Variants in NAALADL2 observed in about 807,000 individuals in gnomAD.
NAALADL2 encodes the protein N-acetylated alpha-linked acidic dipeptidase like 2.
In NAALADL2, 76 loss-of-function variants were observed where a neutral mutation model predicts 87.2. The ratio of observed to expected loss-of-function variants is 0.87; its 90% CI spans 0.72 to 1.05. The LOEUF (loss-of-function observed/expected upper bound fraction) is 1.05, where lower values mean the gene tolerates loss of function less well. Ranked by LOEUF, NAALADL2 falls within the 50% of genes least tolerant of loss-of-function variation. The pLI, the probability that NAALADL2 is intolerant of heterozygous loss-of-function variation, is 0.00. For synonymous variants in NAALADL2, 354 were observed against 331.0 expected (o/e 1.07, Z -0.75); for missense variants, 1,089 against 945.8 (o/e 1.15, Z -1.99).
chr3:175,485,305 T>C (rs1727085959), intron 9 of NAALADL2, among the ~76,000 whole-genome samples: 1 of 151,856 alleles, frequency 6.6e-6, no homozygotes, highest in African/African-American at 2.4e-5. Context: ...GGGGTCAGAG[T>C]CTGAATTAGG....
At chr3:174,798,718 G>A (rs938728955) in intron 3 of NAALADL2, among the ~76,000 whole-genome samples, 1 of 151,374 alleles carries the variant, frequency 6.6e-6, no homozygotes, top group East Asian at 1.9e-4. Context: ...TAAGAAAGTT[G>A]ATTTTTTAGT....
At chr3:174,453,244 G>A (rs66514053) in intron 1 of NAALADL2, among the ~76,000 whole-genome samples, 41,502 of 151,914 alleles carry the variant, frequency 0.27, 6,077 homozygotes, top group South Asian at 0.45. Context: ...TAAAAAGAAT[G>A]AAAAAGAACA....
chr3:175,240,466 CT>C (rs1206770445), intron 3 of NAALADL2, among the ~76,000 whole-genome samples: 4 of 152,144 alleles, frequency 2.6e-5, no homozygotes, highest in Admixed American at 2.6e-4. Flanking sequence ...CAAAAGCAAA[CT>C]TATCAGTGTT....
At chr3:175,406,158 A>G (rs373841449) in intron 5 of NAALADL2, among the ~76,000 whole-genome samples, 3 of 152,232 alleles carry the variant, frequency 2.0e-5, no homozygotes, top group African/African-American at 4.8e-5. Flanking sequence ...AATAGCTGCA[A>G]AATGACAATG....
Position 175,805,746 on chromosome 3 carries a change from TAATG to T in NAALADL2, c.*2547_*2550del, listed in dbSNP as rs1350460444. ...CATACATAGAATTGTGCCTAGGAAA[TAATG>T]AATCATAAATATTCTCTGAAGAAAA... On this transcript the variant is annotated 3_prime_UTR_variant, in exon 14 of 14. Transcript: ENST00000454872. 10 of 151,850 alleles carry T rather than the reference TAATG, an allele frequency of 6.6e-5. No individual in the cohort carries two copies. Among genetic ancestry groups the T allele is most frequent in the African/African-American group, 2.2e-4 (9 of 41,400 alleles). The allele number at this position is 151,850 out of a possible 1,614,324, so 9.4% of individuals were successfully genotyped here.
chr3:174,882,748 CACACGTGTATATAT>C (rs1389459159), intron 1 of NAALADL2, among the ~76,000 whole-genome samples: 149 of 138,454 alleles, frequency 1.1e-3, no homozygotes, highest in African/African-American at 3.6e-3. Flanking sequence ...TGTGTATATA[CACACGTGTATATAT>C]ACACACGTGT....
chr3:174,854,516 A>G (rs1364553799), upstream of NAALADL2, among the ~76,000 whole-genome samples: 3 of 152,168 alleles, frequency 2.0e-5, no homozygotes, highest in African/African-American at 7.2e-5. Context: ...GTACATTTCA[A>G]AATCATTAAG....
At chr3:175,116,228 G>T (rs1725135244) in intron 2 of NAALADL2, among the ~76,000 whole-genome samples, 1 of 151,976 alleles carries the variant, frequency 6.6e-6, no homozygotes, top group African/African-American at 2.4e-5. Context: ...GGAAGTTCTG[G>T]CCAGGGCAAT....
At chr3:174,683,629 GGTGTGTGTGTGTGTGTGTGTGT>G (rs10522220) in intron 2 of NAALADL2, among the ~76,000 whole-genome samples, 2 of 147,048 alleles carry the variant, frequency 1.4e-5, no homozygotes, top group Admixed American at 6.8e-5. Flanking sequence ...CAGAACTTCT[GGTGTGTGTGTGTGTGTGTGTGT>G]GTGTGTGTGT....
chr3:174,839,650 A>G (rs145058151), intron 3 of NAALADL2, among the ~76,000 whole-genome samples: 57 of 152,196 alleles, frequency 3.7e-4, no homozygotes, highest in African/African-American at 1.3e-3. Context: ...ATCAGCAAGA[A>G]AAAAAACAAA....
At chr3:174,643,101 C>G (rs1239597840) in intron 2 of NAALADL2, among the ~76,000 whole-genome samples, 1 of 151,966 alleles carries the variant, frequency 6.6e-6, no homozygotes. Context: ...TAATTTTAAG[C>G]AAGAAAAGTG....
At chr3:175,297,028 C>G (rs1222770382) in intron 4 of NAALADL2, among the ~76,000 whole-genome samples, 2 of 152,066 alleles carry the variant, frequency 1.3e-5, no homozygotes, top group Non-Finnish European at 2.9e-5. Flanking sequence ...GAGGATGAGC[C>G]AAATCTGACT....
intron 1 of NAALADL2, among the ~76,000 whole-genome samples, chr3:174,887,870 A>G (rs575041115): frequency 3.4e-4 from 51 of 151,494 alleles, no homozygotes; most frequent in African/African-American, 1.2e-3. Flanking sequence ...TACATATAAT[A>G]TTTCTGTTGT....
intron 1 of NAALADL2, among the ~76,000 whole-genome samples, chr3:174,891,650 T>G (rs566031194): frequency 9.7e-4 from 147 of 152,284 alleles, no homozygotes; most frequent in African/African-American, 3.4e-3. Flanking sequence ...AGGTCTGAAC[T>G]TGAGTTCTGG....
At chr3:175,419,854 T>G (rs1042562534) in intron 5 of NAALADL2, among the ~76,000 whole-genome samples, 1 of 152,004 alleles carries the variant, frequency 6.6e-6, no homozygotes, top group Non-Finnish European at 1.5e-5. Flanking sequence ...GAAGTGATAT[T>G]TCCAGTGTCC....
chr3:175,564,529 G>A (rs1262787489), intron 9 of NAALADL2, among the ~76,000 whole-genome samples: 1 of 152,114 alleles, frequency 6.6e-6, no homozygotes, highest in Non-Finnish European at 1.5e-5. Context: ...ATTTAAAATA[G>A]CATTGCCTGT....
At chr3:175,787,577 C>A (rs867842697) in intron 13 of NAALADL2, among the ~76,000 whole-genome samples, 1 of 152,102 alleles carries the variant, frequency 6.6e-6, no homozygotes, top group Non-Finnish European at 1.5e-5. Flanking sequence ...GGCTCGCGCA[C>A]GGTGCGCGCA....
intron 9 of NAALADL2, among the ~76,000 whole-genome samples, chr3:175,510,159 G>C (rs1186179433): frequency 1.3e-5 from 2 of 152,176 alleles, no homozygotes; most frequent in East Asian, 3.9e-4. Flanking sequence ...GCAAGGAGAA[G>C]TGTGCGAGCC....
intron 1 of NAALADL2, among the ~76,000 whole-genome samples, chr3:174,970,789 T>A (rs1306489675): frequency 1.3e-5 from 2 of 152,182 alleles, no homozygotes; most frequent in Non-Finnish European, 2.9e-5. Flanking sequence ...TCATACATAT[T>A]TATATGGTCT....
Sources: gnomAD v4.1 joint callset for allele counts (sites outside exome capture counted in the v4.1 genomes callset) on GRCh38, gnomAD v4.1.1 for gene constraint, MANE v1.5 for transcripts, NCBI Gene and HGNC (gene_info 2026-07-23, HGNC 2026-07-21) for gene names.